The following RPRD2 variants were observed in gnomAD, a reference collection of about 807,000 sequenced individuals.
RPRD2 encodes regulation of nuclear pre-mRNA domain-containing protein 2.
A neutral mutation model predicts 104.4 loss-of-function variants in RPRD2; 12 were observed. The ratio of observed to expected loss-of-function variants is 0.11; its 90% confidence interval spans 0.07 to 0.19. RPRD2 has a LOEUF of 0.19. RPRD2 is among the 10% of genes least tolerant of loss of function. The pLI is 1.00. For synonymous variants in RPRD2, 714 were observed against 684.9 expected, an observed-to-expected ratio of 1.04 and a Z score of -0.66; for missense variants, 1,543 against 1,790.1, an observed-to-expected ratio of 0.86 and a Z score of 2.49.
At chr1:150,460,370 G>A (rs978886585) in intron 9 of RPRD2, 53 bp downstream of exon 9, 3 of 1,503,922 alleles carry the variant, frequency 2.0e-6, no homozygotes, top group African/African-American at 1.4e-5. Flanking sequence ...TTTTTAAATT[G>A]AATCATTAAT....
chr1:150,401,682 C>T (rs587751035), intron 1 of RPRD2, among the ~76,000 whole-genome samples: 20 of 149,196 alleles, frequency 1.3e-4, no homozygotes, highest in African/African-American at 4.7e-4. Context: ...GTCACTCTGT[C>T]ACCCAGGCTG....
intron 7 of RPRD2, among the ~76,000 whole-genome samples, chr1:150,452,972 T>C (rs1304494843): frequency 6.6e-6 from 1 of 151,266 alleles, no homozygotes; most frequent in African/African-American, 2.4e-5. Context: ...CACCACTTTT[T>C]TACACTACTA....
intron 1 of RPRD2, among the ~76,000 whole-genome samples, chr1:150,372,307 G>A (rs1269439101): frequency 6.6e-6 from 1 of 152,094 alleles, no homozygotes; most frequent in Non-Finnish European, 1.5e-5. Context: ...AGAACAAAAT[G>A]AACAAAATTT....
At chr1:150,430,525 G>C (rs12144835) in intron 2 of RPRD2, among the ~76,000 whole-genome samples, 1 of 152,158 alleles carries the variant, frequency 6.6e-6, no homozygotes, top group Non-Finnish European at 1.5e-5. Flanking sequence ...AATTAGGCAG[G>C]TGTGGTGGTG....
chr1:150,469,584 T>C (rs1173431267), intron 10 of RPRD2, among the ~76,000 whole-genome samples: 3 of 152,214 alleles, frequency 2.0e-5, no homozygotes. Context: ...GCCAAAAGTC[T>C]TCATTTGTGA....
At chr1:150,368,842 A>G (rs1553877674) in intron 1 of RPRD2, among the ~76,000 whole-genome samples, 1 of 152,156 alleles carries the variant, frequency 6.6e-6, no homozygotes, top group Non-Finnish European at 1.5e-5. Flanking sequence ...TCCTGATCTC[A>G]GGCGATCTAC....
intron 1 of RPRD2, among the ~76,000 whole-genome samples, chr1:150,382,065 C>T (rs1321968894): frequency 6.6e-6 from 1 of 152,102 alleles, no homozygotes; most frequent in East Asian, 1.9e-4. Flanking sequence ...GATAACTTGT[C>T]ATTTAAAATG....
At chr1:150,447,846 C>T (rs1666892164) in intron 7 of RPRD2, among the ~76,000 whole-genome samples, 1 of 152,096 alleles carries the variant, frequency 6.6e-6, no homozygotes, top group Non-Finnish European at 1.5e-5. Flanking sequence ...TTTTTTCTGG[C>T]ATTTGCTCCC....
chr1:150,472,570 G>C lies in RPRD2; in HGVS notation c.3622G>C (p.Glu1208Gln), dbSNP rs1249805883. 3.7e-6 allele frequency: 6 copies of C among 1,613,804 alleles called. No individual in the cohort carries two copies. The African/African-American group carries it at 5.3e-5, about 14-fold the overall frequency. Residue 1208 changes from glutamate to glutamine, a missense_variant, in exon 11 of 11, where the codon GAG (glutamate) becomes CAG (glutamine). Glu to Gln is a conservative substitution (Grantham distance 29, BLOSUM62 2). Coordinates refer to ENST00000369068, the MANE Select transcript of RPRD2 (RefSeq NM_015203.5). ...GGAACATGGGACACCCTTCCAGAGA[G>C]AGCCAGTGGGGCCATCATCTGCCCC... is the stretch of plus-strand genomic sequence containing the variant. ...PLEHGTPFQR[E>Q]PVGPSSAPPV...
At chr1:150,373,533 C>CTTTTTTGTTTTTTTTTT (rs1660477396) in intron 1 of RPRD2, among the ~76,000 whole-genome samples, 1 of 97,420 alleles carries the variant, frequency 1.0e-5, no homozygotes, top group Non-Finnish European at 2.0e-5. Context: ...TCAAGAATGA[C>CTTTTTTGTTTTTTTTTT]TTTTTTTTTT....
intron 2 of RPRD2, among the ~76,000 whole-genome samples, chr1:150,432,783 G>GC (rs1331074810): frequency 6.6e-6 from 1 of 151,834 alleles, no homozygotes. Flanking sequence ...TCTGCAACCA[G>GC]CCTGGGCAAC....
intron 6 of RPRD2, among the ~76,000 whole-genome samples, chr1:150,445,790 C>T (rs587774884): frequency 1.3e-5 from 2 of 152,122 alleles, no homozygotes; most frequent in East Asian, 1.9e-4. Flanking sequence ...ATTGTGAGGC[C>T]GGGCACGGTG....
intron 2 of RPRD2, among the ~76,000 whole-genome samples, chr1:150,424,832 G>A (rs1250145758): frequency 6.6e-6 from 1 of 151,878 alleles, no homozygotes; most frequent in Non-Finnish European, 1.5e-5. Flanking sequence ...CATTTACCAG[G>A]GACTGATTCT....
chr1:150,413,254 G>A (rs1211056437), intron 1 of RPRD2, among the ~76,000 whole-genome samples: 2 of 152,158 alleles, frequency 1.3e-5, no homozygotes, highest in Non-Finnish European at 2.9e-5. Context: ...AGTCAGAATT[G>A]CTAAAATTCT....
At chr1:150,438,996 A>C (rs1297984317) in intron 2 of RPRD2, among the ~76,000 whole-genome samples, 1 of 151,982 alleles carries the variant, frequency 6.6e-6, no homozygotes, top group Non-Finnish European at 1.5e-5. Context: ...CACCGCACCC[A>C]GCTAATTTTT....
intron 2 of RPRD2, among the ~76,000 whole-genome samples, chr1:150,426,566 GAA>G (rs1219020517): frequency 6.6e-6 from 1 of 152,122 alleles, no homozygotes; most frequent in African/African-American, 2.4e-5. Flanking sequence ...AGTTTTAAAA[GAA>G]GAGCAAAATA....
At position 150,474,259 on chromosome 1, in the gene RPRD2, A is replaced by G. The variant is rs1390358263; in HGVS notation, c.*925A>G. 1 of 152,244 alleles carries G rather than the reference A, an allele frequency of 6.6e-6. No homozygotes were observed. The highest frequency in any genetic ancestry group is 2.4e-5 in the African/African-American group (1 of 41,476). The allele number at this position is 152,244 out of a possible 1,614,324, so 9.4% of individuals were successfully genotyped here. ...TATCCCTGCATTTTTAAATATAAGAAGTAGACATTAATTTTACCATGGTGC... is the reference window on the plus strand; with the variant it reads ...TATCCCTGCATTTTTAAATATAAGAGGTAGACATTAATTTTACCATGGTGC... On this transcript the variant is annotated 3_prime_UTR_variant, in exon 11 of 11. Coordinates refer to ENST00000369068, the MANE Select transcript of RPRD2 (RefSeq NM_015203.5).
intron 1 of RPRD2, among the ~76,000 whole-genome samples, chr1:150,383,306 G>GGTTTTTT (rs1553881150): frequency 2.4e-5 from 3 of 126,740 alleles, no homozygotes; most frequent in Non-Finnish European, 4.9e-5. Context: ...CAAATAAGAG[G>GGTTTTTT]TTTTTTTTTT....
Position 150,473,408 on chromosome 1 carries a change from TTTTA to T in RPRD2, c.*78_*81del, listed in dbSNP as rs1668731410. The T allele has an allele frequency of 2.1e-6, 3 of 1,413,038 alleles. No individual in the cohort carries two copies. The highest frequency in any genetic ancestry group is 2.8e-6 in the Non-Finnish European group (3 of 1,054,880). The allele number at this position is 1,413,038 out of a possible 1,614,324, so 87.5% of individuals were successfully genotyped here. On this transcript the variant is annotated 3_prime_UTR_variant, in exon 11 of 11. Transcript: ENST00000369068. ...TAGGAGTTTGGTTTATTGTTGTTGT[TTTTA>T]TTTGTTTTCTCTTTCTCGATTTTTT...
Sources: allele counts gnomAD v4.1 joint callset (sites outside exome capture counted in the v4.1 genomes callset), GRCh38; gene constraint gnomAD v4.1.1; transcripts MANE v1.5; gene names NCBI Gene and HGNC (gene_info 2026-07-23, HGNC 2026-07-21).